The following LMTK2 variants were observed in gnomAD, a reference collection of about 807,000 sequenced individuals.
The protein encoded by LMTK2 is serine/threonine-protein kinase LMTK2.
A neutral mutation model predicts 127.5 loss-of-function variants in LMTK2; 37 were observed. That is an observed-to-expected ratio of 0.29 (90% CI 0.22 to 0.38). The LOEUF (loss-of-function observed/expected upper bound fraction) is 0.38, where lower values mean the gene tolerates loss of function less well. Ranked by LOEUF, LMTK2 falls within the 10% of genes least tolerant of loss-of-function variation. The pLI, the probability that LMTK2 is intolerant of heterozygous loss-of-function variation, is 1.00. For missense variants in LMTK2, 1,694 were observed against 1,920.3 expected, an observed-to-expected ratio of 0.88 and a Z score of 2.20; for synonymous variants, 819 against 810.1, an observed-to-expected ratio of 1.01 and a Z score of -0.19.
At chr7:98,116,194 T>A (rs1796280231) in intron 1 of LMTK2, among the ~76,000 whole-genome samples, 2 of 152,188 alleles carry the variant, frequency 1.3e-5, no homozygotes, top group Admixed American at 1.3e-4. Flanking sequence ...GTGTCCGGCC[T>A]ACATCATTGT....
chr7:98,121,773 G>A lies in LMTK2; in HGVS notation c.103+14493G>A, dbSNP rs138289530. On this transcript the variant is annotated intron_variant, in intron 1 of 13. Transcript: ENST00000297293. ...CCCAGCACTTTGGGAGGCTGAGGCG[G>A]CTGGATCGCTTGAGGCCAGGAGTTC... is the stretch of plus-strand genomic sequence containing the variant. 1.9e-3 allele frequency among the ~76,000 whole-genome samples: 292 copies of A among 152,284 alleles called. 3 individuals are homozygous for A. Among genetic ancestry groups the A allele is most frequent in the East Asian group, 9.1e-3 (47 of 5,184 alleles).
intron 6 of LMTK2, among the ~76,000 whole-genome samples, chr7:98,161,440 G>A (rs79904894): frequency 0.053 from 8,066 of 152,100 alleles, 632 homozygotes; most frequent in East Asian, 0.36. Flanking sequence ...TATTCATTGG[G>A]CACTTAACTG....
At chr7:98,170,962 G>A (rs2116422673) in intron 6 of LMTK2, among the ~76,000 whole-genome samples, 1 of 152,236 alleles carries the variant, frequency 6.6e-6, no homozygotes. Context: ...TTCTGGAGTG[G>A]CTGAAATGTT....
At chr7:98,191,110 A>AT (rs1330065513) in intron 10 of LMTK2, among the ~76,000 whole-genome samples, 1 of 151,936 alleles carries the variant, frequency 6.6e-6, no homozygotes. Flanking sequence ...TTATTTATTT[A>AT]TTTTTATTTA....
intron 12 of LMTK2, 106 bp downstream of exon 12, chr7:98,203,812 G>C: frequency 1.3e-6 from 2 of 1,573,446 alleles, no homozygotes; most frequent in Non-Finnish European, 1.7e-6. Flanking sequence ...CCCCTGACAT[G>C]GGCACAGAAC....
At chr7:98,160,802 G>A (rs1352290923) in intron 6 of LMTK2, among the ~76,000 whole-genome samples, 2 of 152,140 alleles carry the variant, frequency 1.3e-5, no homozygotes, top group Non-Finnish European at 2.9e-5. Flanking sequence ...TTTAAGGTTG[G>A]TATAATTTCC....
At chr7:98,139,473 A>T (rs1321539234) in intron 2 of LMTK2, among the ~76,000 whole-genome samples, 1 of 152,166 alleles carries the variant, frequency 6.6e-6, no homozygotes, top group Non-Finnish European at 1.5e-5. Flanking sequence ...ATCTGTTGGT[A>T]TATCTAGTGG....
intron 11 of LMTK2, among the ~76,000 whole-genome samples, chr7:98,202,126 T>C (rs1466156308): frequency 6.6e-6 from 1 of 152,168 alleles, no homozygotes; most frequent in Admixed American, 6.5e-5. Context: ...AGGTTTTTTT[T>C]TTCTTGCTCT....
At position 98,209,133 on chromosome 7, in the gene LMTK2, T is replaced by C. The variant is rs1218551288; in HGVS notation, c.*3641T>C. 1 of 152,180 alleles carries C rather than the reference T, an allele frequency of 6.6e-6. No homozygotes were observed. The highest frequency in any genetic ancestry group is 1.5e-5 in the Non-Finnish European group (1 of 68,048). The allele number at this position is 152,180 out of a possible 1,614,324, so 9.4% of individuals were successfully genotyped here. A position where few individuals can be genotyped will look rare whatever the true frequency, so the allele number is the denominator to read the frequency against. Reference sequence around the variant, plus strand: ...ATGGGAAGTAGCCTTAAAAAAAGAATGGGTATACGCAGTGACTTCCGATGG... The same window carrying C: ...ATGGGAAGTAGCCTTAAAAAAAGAACGGGTATACGCAGTGACTTCCGATGG... On this transcript the variant is annotated 3_prime_UTR_variant, in exon 14 of 14. Transcript: ENST00000297293.
rs1584294661 is a variant in LMTK2, at chr7:98,193,334, G to A, written c.2869G>A (p.Asp957Asn). 2.5e-6 allele frequency: 4 copies of A among 1,614,182 alleles called. No individual in the cohort carries two copies. Among genetic ancestry groups the A allele is most frequent in the Non-Finnish European group, 3.4e-6 (4 of 1,180,052 alleles). ...GACTTTAAATCAGCTCAATTCTAAA[G>A]ACGCAGCAAAAGAAGCAGGCTTGGT... ...VETLNQLNSK[D>N]AAKEAGLVSA... Residue 957 changes from aspartate (D) to asparagine (N), a missense_variant, in exon 11 of 14, where the codon GAC becomes AAC. Physicochemically the swap from Asp to Asn is conservative, Grantham distance 23. Transcript: ENST00000297293. This position sits in a 1 kb window ranked among gnomAD's most constrained non-coding sequence, Gnocchi z 4.1.
chr7:98,186,844 A>G (rs1255449981), intron 8 of LMTK2, 33 bp from the exon 9 acceptor site: 6 of 1,593,478 alleles, frequency 3.8e-6, no homozygotes, highest in Non-Finnish European at 5.2e-6. Flanking sequence ...GTATAATTCT[A>G]TTCAAAATTC....
intron 11 of LMTK2, among the ~76,000 whole-genome samples, chr7:98,199,290 CAG>C (rs1300676279): frequency 6.6e-6 from 1 of 152,162 alleles, no homozygotes; most frequent in African/African-American, 2.4e-5. Flanking sequence ...TTCTATTACT[CAG>C]AGAGAGGTTG....
chr7:98,179,493 C>T (rs963205525), intron 7 of LMTK2, among the ~76,000 whole-genome samples: 2 of 152,176 alleles, frequency 1.3e-5, no homozygotes, highest in African/African-American at 4.8e-5. Context: ...TGTATCTCTG[C>T]AGTCGCAGCT....
rs199626689 is a variant in LMTK2, at chr7:98,193,221, C to T, written c.2756C>T (p.Pro919Leu). The T allele has an allele frequency of 1.6e-5, 26 of 1,613,592 alleles. No homozygotes were observed. Among genetic ancestry groups the T allele is most frequent in the Middle Eastern group, 1.7e-4 (1 of 6,056 alleles). Reference sequence around the variant, plus strand: ...AGGGTGAGTGTAGGGAGTAGTCTCCCGGAACTGGGACAGGAATTGCACAAT... The same window carrying T: ...AGGGTGAGTGTAGGGAGTAGTCTCCTGGAACTGGGACAGGAATTGCACAAT... ...ASRVSVGSSL[P>L]ELGQELHNKP... Residue 919 changes from proline (P) to leucine (L), a missense_variant, in exon 11 of 14, where the codon CCG (proline) becomes CTG (leucine). Coordinates refer to ENST00000297293, the MANE Select transcript of LMTK2 (RefSeq NM_014916.4). The surrounding 1 kb of genome is among the most constrained non-coding windows in gnomAD (Gnocchi z 4.1).
chr7:98,117,677 A>G (rs895486321), intron 1 of LMTK2, among the ~76,000 whole-genome samples: 1 of 152,136 alleles, frequency 6.6e-6, no homozygotes, highest in African/African-American at 2.4e-5. Context: ...ATGAGAAACC[A>G]AGATCTGGGC....
At position 98,190,785 on chromosome 7, in the gene LMTK2, C is replaced by G. The variant is rs770618273; in HGVS notation, c.1056C>G (p.Asn352Lys). The G allele has an allele frequency of 6.2e-7, 1 of 1,614,154 alleles. No homozygotes were observed. Among genetic ancestry groups the G allele is most frequent in the Admixed American group, 1.7e-5 (1 of 60,026 alleles). ...LFDNAAQPYS[N>K]LSNLDVLNQV... is the part of the protein sequence containing the mutation. ...ACAATGCCGCACAGCCGTATTCAAA[C>G]CTTTCCAACTTAGATGTCCTCAACC... The change falls in exon 10 of 14, where the codon AAC (asparagine) becomes AAG (lysine). Residue 352 changes from asparagine to lysine, a missense_variant. This residue lies in a region of LMTK2 where 216 missense variants were observed against 266.8 expected (regional missense o/e 0.81). Coordinates refer to ENST00000297293, the MANE Select transcript of LMTK2 (RefSeq NM_014916.4).
intron 8 of LMTK2, 124 bp from the exon 9 acceptor site, chr7:98,186,753 C>CT (rs1432721822): frequency 1.6e-4 from 132 of 837,470 alleles, no homozygotes; most frequent in Non-Finnish European, 2.0e-4. Flanking sequence ...TTCATGCCTG[C>CT]TTTTTTTTCT....
At chr7:98,109,743 C>CAAAAAAAAAA (rs1156337163) in intron 1 of LMTK2, among the ~76,000 whole-genome samples, 1 of 53,302 alleles carries the variant, frequency 1.9e-5, no homozygotes. Flanking sequence ...GACTCCGTCT[C>CAAAAAAAAAA]AAAAAAAAAA....
intron 6 of LMTK2, among the ~76,000 whole-genome samples, chr7:98,166,842 C>T (rs1427423759): frequency 1.3e-5 from 2 of 152,198 alleles, no homozygotes; most frequent in Non-Finnish European, 2.9e-5. Flanking sequence ...CAACACATTT[C>T]TCAGAAGGCA....
Sources: allele counts gnomAD v4.1 joint callset (sites outside exome capture counted in the v4.1 genomes callset), GRCh38; gene constraint gnomAD v4.1.1; regional missense constraint gnomAD v4.1.1; non-coding constraint Gnocchi (gnomAD v3.1); transcripts MANE v1.5; gene names NCBI Gene and HGNC (gene_info 2026-07-23, HGNC 2026-07-21).